The following GRIP2 variants were observed in gnomAD, a reference collection of about 807,000 sequenced individuals.
GRIP2 encodes glutamate receptor-interacting protein 2.
In GRIP2, 58 loss-of-function variants were observed where a neutral mutation model predicts 108.3. The observed-to-expected ratio is 0.54, with a 90% CI of 0.43 to 0.67. GRIP2 has a LOEUF of 0.67. GRIP2 is among the 30% of genes least tolerant of loss of function. The pLI is 0.00. For missense variants in GRIP2, 1,278 were observed against 1,430.6 expected, an observed-to-expected ratio of 0.89 and a Z score of 1.72; for synonymous variants, 586 against 598.2, an observed-to-expected ratio of 0.98 and a Z score of 0.30.
rs1277393116 is a variant in GRIP2 at position 14,529,548 on chromosome 3, C to G, written c.41-3617G>C. 5.9e-5 allele frequency among the ~76,000 whole-genome samples: 9 copies of G among 152,236 alleles called. No homozygotes were observed. The East Asian group carries it at 1.7e-3, about 29-fold the overall frequency. ...ATACCATAATTATTAGTCTAATACC[C>G]ATTCCAAATTTTAATTCCAACAGTA... is the stretch of plus-strand genomic sequence containing the variant. On this transcript the variant is annotated intron_variant, in intron 1 of 23. Coordinates refer to ENST00000621039, the MANE Select transcript of GRIP2 (RefSeq NM_001080423.4).
intron 1 of GRIP2, among the ~76,000 whole-genome samples, chr3:14,529,165 G>A (rs1694642145): frequency 6.6e-6 from 1 of 151,602 alleles, no homozygotes; most frequent in African/African-American, 2.4e-5. Context: ...TGTAGTCCCA[G>A]CTACCTGGGA....
chr3:14,570,428 G>T, the GRIP2 span, among the ~76,000 whole-genome samples: 2 of 152,268 alleles, frequency 1.3e-5, no homozygotes, highest in Non-Finnish European at 2.9e-5. Context: ...GCCAGCTGGG[G>T]CCAGGACCAG....
rs1694076154 is a variant in GRIP2 at position 14,511,104 on chromosome 3, TG to T, written c.1933+60del. ...CTGGAGGGAGCCCTGAATTGCAAGC[TG>T]GGAACCCGCTAGTCAAAGGGTGGGC... On this transcript the variant is annotated intron_variant, in intron 16 of 23. Transcript: ENST00000621039. This position sits in a 1 kb window ranked among gnomAD's most constrained non-coding sequence, Gnocchi z 4.1. 6.3e-7 allele frequency: 1 copy of T among 1,586,290 alleles called. No homozygotes were observed. The highest frequency in any genetic ancestry group is 8.6e-7 in the Non-Finnish European group (1 of 1,164,048).
chr3:14,581,277 C>T, the GRIP2 span, among the ~76,000 whole-genome samples: 1 of 152,220 alleles, frequency 6.6e-6, no homozygotes. Context: ...GCCCATCCAG[C>T]ATACAGACCT....
chr3:14,503,219 T>G (rs1019652928), intron 21 of GRIP2, among the ~76,000 whole-genome samples: 1 of 151,430 alleles, frequency 6.6e-6, no homozygotes, highest in Non-Finnish European at 1.5e-5. Flanking sequence ...ATGTGCACAA[T>G]CGGACACACA....
At chr3:14,584,610 C>T in the GRIP2 span, among the ~76,000 whole-genome samples, 2 of 152,144 alleles carry the variant, frequency 1.3e-5, no homozygotes, top group Admixed American at 1.3e-4. Flanking sequence ...AGCCTGGGAC[C>T]GCGGACTATG....
rs144226371 is a variant in GRIP2 at position 14,520,632 on chromosome 3, G to A, written c.713-95C>T. 2,651 of 1,305,232 alleles carry A rather than the reference G, an allele frequency of 2.0e-3. 5 individuals are homozygous for A. Among genetic ancestry groups the A allele is most frequent in the Non-Finnish European group, 2.6e-3 (2,411 of 919,256 alleles). 80.9% of individuals were successfully genotyped at this position (1,305,232 alleles called of 1,614,324 possible). On this transcript the variant is annotated intron_variant, in intron 7 of 23. Coordinates refer to ENST00000621039, the MANE Select transcript of GRIP2 (RefSeq NM_001080423.4). ...ATCCTGATTTAATCCTTGCTGCCTG[G>A]AAGAAACTGTTATACCCATTTGATT...
chr3:14,521,877 A>T lies in GRIP2; in HGVS notation c.567-90T>A. On this transcript the variant is annotated intron_variant, in intron 6 of 23. Coordinates refer to ENST00000621039, the MANE Select transcript of GRIP2 (RefSeq NM_001080423.4). The surrounding 1 kb of genome is among the most constrained non-coding windows in gnomAD (Gnocchi z 5.1). ...GGCGCTGGGAAGCGGGACATGGAGG[A>T]TGAAGAAGCAGGGAATGGGTGGGGG... 2 of 983,180 alleles carry T rather than the reference A, an allele frequency of 2.0e-6. No individual in the cohort carries two copies. Among genetic ancestry groups the T allele is most frequent in the Non-Finnish European group, 2.8e-6 (2 of 723,714 alleles). 60.9% of individuals were successfully genotyped at this position (983,180 alleles called of 1,614,324 possible). A position where few individuals can be genotyped will look rare whatever the true frequency, so the allele number is the denominator to read the frequency against.
intron 21 of GRIP2, among the ~76,000 whole-genome samples, chr3:14,501,643 C>T (rs1693767210): frequency 6.6e-6 from 1 of 152,210 alleles, no homozygotes; most frequent in Non-Finnish European, 1.5e-5. Context: ...TAAAAATACA[C>T]ATAAACTCAT....
chr3:14,562,820 T>C, the GRIP2 span, among the ~76,000 whole-genome samples: 107,098 of 152,062 alleles, frequency 0.7, 37,885 homozygotes, highest in Middle Eastern at 0.74. Flanking sequence ...CCAGATGGGA[T>C]GTGGAAGGAA....
the GRIP2 span, among the ~76,000 whole-genome samples, chr3:14,561,408 C>G: frequency 3.3e-5 from 5 of 152,222 alleles, no homozygotes; most frequent in Non-Finnish European, 7.3e-5. Context: ...CTCCCTATAG[C>G]ATTCTCACTT....
In GRIP2 at chr3:14,511,161, A is replaced by T; in HGVS notation, c.1933+4T>A. ...GAGGTAGGAGGCCAGCATGAGGGCC[A>T]TACCAGAGTTGTCCTCGTCCTTCCG... On this transcript the variant is annotated splice_donor_region_variant and intron_variant, in intron 16 of 23. Transcript: ENST00000621039. The surrounding 1 kb of genome is among the most constrained non-coding windows in gnomAD (Gnocchi z 4.1). 1 of 1,613,838 alleles carries T rather than the reference A, an allele frequency of 6.2e-7. No individual in the cohort carries two copies. Among genetic ancestry groups the T allele is most frequent in the Non-Finnish European group, 8.5e-7 (1 of 1,179,848 alleles).
the GRIP2 span, among the ~76,000 whole-genome samples, chr3:14,572,439 C>T: frequency 1.3e-5 from 2 of 150,126 alleles, no homozygotes; most frequent in Admixed American, 6.6e-5. Flanking sequence ...GGTGAAACCC[C>T]GTCTCTACTA....
At chr3:14,577,797 T>C in the GRIP2 span, among the ~76,000 whole-genome samples, 3 of 152,124 alleles carry the variant, frequency 2.0e-5, no homozygotes, top group African/African-American at 7.2e-5. Flanking sequence ...ACTTGTGAAG[T>C]ATCTAGCAGG....
At chr3:14,561,707 G>A in the GRIP2 span, among the ~76,000 whole-genome samples, 170 of 152,340 alleles carry the variant, frequency 1.1e-3, 2 homozygotes, top group Admixed American at 0.01. Context: ...CATCAGAGAT[G>A]CCTTTAATCT....
At chr3:14,506,775 C>T in intron 19 of GRIP2, 26 bp downstream of exon 19, 1 of 1,556,234 alleles carries the variant, frequency 6.4e-7, no homozygotes, top group South Asian at 1.2e-5. Context: ...GAGCGTGCCA[C>T]TTGTCCAAGG....
Position 14,522,917 on chromosome 3 carries a change from G to A in GRIP2, c.566+83C>T. 9.0e-7 allele frequency: 1 copy of A among 1,115,362 alleles called. No individual in the cohort carries two copies. Among genetic ancestry groups the A allele is most frequent in the Non-Finnish European group, 1.4e-6 (1 of 726,804 alleles). The allele number at this position is 1,115,362 out of a possible 1,614,324, so 69.1% of individuals were successfully genotyped here. On this transcript the variant is annotated intron_variant, in intron 6 of 23. Coordinates refer to ENST00000621039, the MANE Select transcript of GRIP2 (RefSeq NM_001080423.4). This position sits in a 1 kb window ranked among gnomAD's most constrained non-coding sequence, Gnocchi z 4.3. ...CTCGATCTCTTCATCTGGGGAAGGG[G>A]CATGGTGACCCCACTCCACCTTCTT...
At chr3:14,562,639 A>G in the GRIP2 span, among the ~76,000 whole-genome samples, 3 of 152,194 alleles carry the variant, frequency 2.0e-5, no homozygotes, top group South Asian at 6.2e-4. Flanking sequence ...TGAAGAAATG[A>G]CGGAATTGGA....
chr3:14,546,239 A>G (rs1695055933), upstream of GRIP2, among the ~76,000 whole-genome samples: 1 of 152,200 alleles, frequency 6.6e-6, no homozygotes, highest in Non-Finnish European at 1.5e-5. Context: ...CTTGGGTACC[A>G]GGAGCAGCTG....
Sources: gnomAD v4.1 joint callset for allele counts (sites outside exome capture counted in the v4.1 genomes callset) on GRCh38, gnomAD v4.1.1 for gene constraint, Gnocchi (gnomAD v3.1) non-coding constraint, MANE v1.5 for transcripts, NCBI Gene and HGNC (gene_info 2026-07-23, HGNC 2026-07-21) for gene names.